The following RFX7 variants were observed in gnomAD, a reference collection of about 807,000 sequenced individuals.
The protein encoded by RFX7 is DNA-binding protein RFX7.
In RFX7, 26 loss-of-function variants were observed where a neutral mutation model predicts 111.8. That is an observed-to-expected ratio of 0.23 (90% CI 0.17 to 0.32). The LOEUF (loss-of-function observed/expected upper bound fraction) is 0.32. Among genes scored for constraint, RFX7 ranks in the 10% least tolerant of loss-of-function variants. RFX7 has a pLI of 1.00. For missense variants in RFX7, 1,573 were observed against 1,772.9 expected (o/e 0.89, Z 2.02); for synonymous variants, 624 against 624.4 (o/e 1.00, Z 0.01).
At chr15:56,231,010 T>A (rs2043549633) in intron 2 of RFX7, among the ~76,000 whole-genome samples, 1 of 151,908 alleles carries the variant, frequency 6.6e-6, no homozygotes, top group Admixed American at 6.6e-5. Flanking sequence ...AAATAGGGTT[T>A]GGAGACAAGG....
chr15:56,175,929 G>A (rs1446791833), intron 3 of RFX7, among the ~76,000 whole-genome samples: 2 of 152,172 alleles, frequency 1.3e-5, no homozygotes, highest in African/African-American at 2.4e-5. Context: ...ATATTGGGAA[G>A]TGTTTAGTCA....
Position 56,093,854 on chromosome 15 carries a change from C to T in RFX7, c.3874G>A (p.Val1292Ile), listed in dbSNP as rs199658306. The change falls in exon 10 of 10, where the codon GTT becomes ATT. Residue 1292 changes from valine to isoleucine, a missense_variant. Coordinates refer to ENST00000559447, the MANE Select transcript of RFX7 (RefSeq NM_022841.7). Reference protein sequence around the residue: ...NLTQILEPSTVFPSANPQNMI... With the variant: ...NLTQILEPSTIFPSANPQNMI... ...TTTTGTGGGTTGGCACTAGGAAAAA[C>T]AGTGGAAGGTTCCAAAATCTGAGTG... 1.0e-4 allele frequency: 164 copies of T among 1,613,788 alleles called. No homozygotes were observed. Among genetic ancestry groups the T allele is most frequent in the Non-Finnish European group, 1.3e-4 (152 of 1,179,862 alleles).
At chr15:56,110,116 AGCCGCCCAGTCCGGGAG>A (rs2041896360) in intron 5 of RFX7, among the ~76,000 whole-genome samples, 1 of 132,728 alleles carries the variant, frequency 7.5e-6, no homozygotes, top group Non-Finnish European at 1.6e-5. Flanking sequence ...CCGCCCGGCC[AGCCGCCCAGTCCGGGAG>A]GGAGGTGGGG....
At chr15:56,220,996 T>C (rs1352565724) in intron 2 of RFX7, among the ~76,000 whole-genome samples, 2 of 152,228 alleles carry the variant, frequency 1.3e-5, no homozygotes, top group East Asian at 1.9e-4. Context: ...TTCAGGTGTA[T>C]GGCTTTATGT....
chr15:56,167,682 CA>C (rs2042799127), intron 3 of RFX7, among the ~76,000 whole-genome samples: 1 of 152,216 alleles, frequency 6.6e-6, no homozygotes, highest in Non-Finnish European at 1.5e-5. Context: ...TATGCTACTA[CA>C]AATATTTTCA....
At chr15:56,142,659 TA>T in intron 5 of RFX7, 118 bp downstream of exon 5, 1 of 848,806 alleles carries the variant, frequency 1.2e-6, no homozygotes, top group Non-Finnish European at 1.8e-6. Context: ...AAGAGATTTC[TA>T]AGTGTAATTC....
chr15:56,239,913 C>T (rs1190364034), intron 2 of RFX7, among the ~76,000 whole-genome samples: 1 of 149,322 alleles, frequency 6.7e-6, no homozygotes, highest in East Asian at 2.0e-4. Context: ...CTGTTGCTTA[C>T]ACTAAAAAAT....
At chr15:56,167,036 A>T (rs1257646564) in intron 3 of RFX7, among the ~76,000 whole-genome samples, 3 of 152,142 alleles carry the variant, frequency 2.0e-5, no homozygotes, top group Admixed American at 6.5e-5. Context: ...TTTGTACACC[A>T]CATGTTAAGA....
intron 3 of RFX7, among the ~76,000 whole-genome samples, chr15:56,177,520 A>G (rs991191899): frequency 6.6e-5 from 10 of 152,152 alleles, no homozygotes; most frequent in African/African-American, 2.4e-4. Flanking sequence ...AAAAATTTAC[A>G]TATATTCTAA....
At chr15:56,158,197 T>C (rs1337627413) in intron 3 of RFX7, among the ~76,000 whole-genome samples, 3 of 152,160 alleles carry the variant, frequency 2.0e-5, no homozygotes, top group Non-Finnish European at 4.4e-5. Context: ...GGGTAAGGTA[T>C]AGGATATAGA....
At chr15:56,202,625 G>A (rs1382605023) in intron 2 of RFX7, among the ~76,000 whole-genome samples, 1 of 152,030 alleles carries the variant, frequency 6.6e-6, no homozygotes, top group Non-Finnish European at 1.5e-5. Context: ...ACAACACAGC[G>A]AGACCCTACC....
intron 2 of RFX7, among the ~76,000 whole-genome samples, chr15:56,212,971 A>G (rs927889127): frequency 1.3e-5 from 2 of 152,220 alleles, no homozygotes; most frequent in Non-Finnish European, 2.9e-5. Context: ...ATGAGATATC[A>G]CTGTATACTA....
At chr15:56,201,812 C>G (rs1006889691) in intron 2 of RFX7, among the ~76,000 whole-genome samples, 1 of 152,110 alleles carries the variant, frequency 6.6e-6, no homozygotes, top group Admixed American at 6.5e-5. Flanking sequence ...GGGCAGATCA[C>G]GAGGTCAGGA....
chr15:56,243,818 CCCGCCGCCG>C lies in RFX7; in HGVS notation c.-385_-377del, dbSNP rs1230232585. On this transcript the variant is annotated 5_prime_UTR_variant, in exon 1 of 10. Transcript: ENST00000559447. ...GCCGCCGCCGCCGCTCGCTCCCGGC[CCCGCCGCCG>C]CCGCGGCCGCCGCTGCCCTGCCAGC... Among the ~76,000 whole-genome samples the C allele has an allele frequency of 3.4e-5, 5 of 147,160 alleles. No individual in the cohort carries two copies. The highest frequency in any genetic ancestry group is 7.6e-5 in the Non-Finnish European group (5 of 66,110).
chr15:56,145,616 A>C (rs963902292), intron 3 of RFX7, among the ~76,000 whole-genome samples: 6 of 151,980 alleles, frequency 3.9e-5, no homozygotes, highest in African/African-American at 1.2e-4. Context: ...AAGAAAACAA[A>C]CACACATTCT....
intron 5 of RFX7, among the ~76,000 whole-genome samples, chr15:56,124,364 G>C (rs1306755593): frequency 6.6e-6 from 1 of 151,692 alleles, no homozygotes; most frequent in African/African-American, 2.4e-5. Flanking sequence ...GGAGCTTGCA[G>C]TGAGCCGAGA....
At chr15:56,138,749 G>A (rs1289367067) in intron 5 of RFX7, among the ~76,000 whole-genome samples, 2 of 152,216 alleles carry the variant, frequency 1.3e-5, no homozygotes, top group South Asian at 2.1e-4. Flanking sequence ...TGCAGCAGCT[G>A]GTACTGGTTT....
In RFX7 at chr15:56,092,353, A is replaced by C. The variant is rs1402164547; in HGVS notation, c.*992T>G. ...ATCAAACTACATTACTATATTCAGG[A>C]GGAGTGAGGGAGTCAGTCACTCAAT... On this transcript the variant is annotated 3_prime_UTR_variant, in exon 10 of 10. Coordinates refer to ENST00000559447, the MANE Select transcript of RFX7 (RefSeq NM_022841.7). The C allele has an allele frequency of 4.6e-5, 7 of 152,506 alleles. No homozygotes were observed. The highest frequency in any genetic ancestry group is 4.6e-4 in the Admixed American group (7 of 15,262). 9.4% of individuals were successfully genotyped at this position (152,506 alleles called of 1,614,324 possible).
chr15:56,093,655 C>A lies in RFX7; in HGVS notation c.4073G>T (p.Ser1358Ile). The change falls in exon 10 of 10, where the codon AGC (serine) becomes ATC (isoleucine). Residue 1358 changes from serine to isoleucine, a missense_variant. This residue lies in a region of RFX7 where 411 missense variants were observed against 478.1 expected (regional missense o/e 0.86). Coordinates refer to ENST00000559447, the MANE Select transcript of RFX7 (RefSeq NM_022841.7). ...STVKDLLSGD[S>I]LQTNQQLVGQ... ...TACCAGCTGCTGGTTGGTTTGCAAG[C>A]TGTCTCCACTCAACAGGTCTTTAAC... 1 of 1,613,842 alleles carries A rather than the reference C, an allele frequency of 6.2e-7. No individual in the cohort carries two copies. Among genetic ancestry groups the A allele is most frequent in the East Asian group, 2.2e-5 (1 of 44,876 alleles).
Sources: allele counts gnomAD v4.1 joint callset (sites outside exome capture counted in the v4.1 genomes callset), GRCh38; gene constraint gnomAD v4.1.1; regional missense constraint gnomAD v4.1.1; transcripts MANE v1.5; gene names NCBI Gene and HGNC (gene_info 2026-07-23, HGNC 2026-07-21).